TANC2: variants seen among roughly 807,000 people sequenced by gnomAD.
TANC2 encodes the protein tetratricopeptide repeat, ankyrin repeat and coiled-coil containing 2.
TANC2 carries 26 observed loss-of-function variants against 210.5 expected under a neutral mutation model. The ratio of observed to expected loss-of-function variants is 0.12; its 90% confidence interval spans 0.09 to 0.17. TANC2 has a LOEUF of 0.17. Ranked by LOEUF, TANC2 falls within the 10% of genes least tolerant of loss-of-function variation. The pLI is 1.00. For missense variants in TANC2, 2,129 were observed against 2,608.9 expected, an observed-to-expected ratio of 0.82 and a Z score of 4.01; for synonymous variants, 931 against 967.1, an observed-to-expected ratio of 0.96 and a Z score of 0.69.
chr17:63,142,392 G>T (rs1325123566), intron 4 of TANC2, among the ~76,000 whole-genome samples: 1 of 152,122 alleles, frequency 6.6e-6, no homozygotes, highest in Non-Finnish European at 1.5e-5. Context: ...GCTTAAAGTT[G>T]TTATTAATAT....
At chr17:63,185,487 T>C (rs1203906607) in intron 5 of TANC2, among the ~76,000 whole-genome samples, 2 of 152,216 alleles carry the variant, frequency 1.3e-5, no homozygotes, top group African/African-American at 2.4e-5. Context: ...TTTCCTTTTT[T>C]TTATACAACT....
chr17:63,366,280 T>G (rs2047107913), intron 14 of TANC2, among the ~76,000 whole-genome samples: 1 of 152,218 alleles, frequency 6.6e-6, no homozygotes, highest in African/African-American at 2.4e-5. Context: ...AGGCTCTGTC[T>G]TAAGCACTGC....
intron 4 of TANC2, among the ~76,000 whole-genome samples, chr17:63,136,915 G>A (rs952739210): frequency 2.6e-5 from 4 of 152,082 alleles, no homozygotes; most frequent in African/African-American, 9.7e-5. Flanking sequence ...GCAACCAGAA[G>A]TTACAGAGTA....
At chr17:63,223,375 T>C (rs1260488965) in intron 7 of TANC2, among the ~76,000 whole-genome samples, 3 of 152,054 alleles carry the variant, frequency 2.0e-5, no homozygotes, top group Non-Finnish European at 2.9e-5. Context: ...GGTTGCTCCA[T>C]AGAGAGAGCA....
At chr17:62,991,337 G>A (rs1441054653) in intron 1 of TANC2, among the ~76,000 whole-genome samples, 1 of 151,600 alleles carries the variant, frequency 6.6e-6, no homozygotes, top group East Asian at 1.9e-4. Context: ...TGGATCAAAA[G>A]TATTAAAACT....
At chr17:62,971,835 C>T (rs960073554) in intron 1 of TANC2, among the ~76,000 whole-genome samples, 13 of 152,290 alleles carry the variant, frequency 8.5e-5, no homozygotes, top group South Asian at 4.2e-4. Flanking sequence ...CCGGGTTGTC[C>T]GTCCTTATGA....
chr17:63,082,689 A>C (rs1289883044), intron 3 of TANC2, among the ~76,000 whole-genome samples: 2 of 152,130 alleles, frequency 1.3e-5, no homozygotes, highest in African/African-American at 4.8e-5. Context: ...GTGATCATTC[A>C]GCTGTGGCCT....
chr17:63,122,186 C>T (rs545328400), intron 4 of TANC2, among the ~76,000 whole-genome samples: 1 of 152,154 alleles, frequency 6.6e-6, no homozygotes, highest in East Asian at 1.9e-4. Context: ...GATAGAGAAA[C>T]GGTTTAGCAT....
At chr17:63,064,467 A>G (rs143767798) in intron 2 of TANC2, among the ~76,000 whole-genome samples, 217 of 152,276 alleles carry the variant, frequency 1.4e-3, no homozygotes, top group African/African-American at 5.0e-3. Flanking sequence ...TGAAAAACAA[A>G]CAAACATACA....
chr17:63,245,702 C>A (rs901698205), intron 8 of TANC2, among the ~76,000 whole-genome samples: 6 of 151,888 alleles, frequency 4.0e-5, no homozygotes, highest in African/African-American at 1.5e-4. Flanking sequence ...CTTAGCTGGG[C>A]GTGGTGGCAG....
At chr17:63,323,691 T>G (rs2045563867) in intron 11 of TANC2, among the ~76,000 whole-genome samples, 1 of 152,238 alleles carries the variant, frequency 6.6e-6, no homozygotes, top group Non-Finnish European at 1.5e-5. Context: ...TTCTTCATTT[T>G]TACCTTAACC....
intron 2 of TANC2, among the ~76,000 whole-genome samples, chr17:63,053,229 A>G (rs1389980106): frequency 1.3e-5 from 2 of 152,218 alleles, no homozygotes; most frequent in Non-Finnish European, 2.9e-5. Flanking sequence ...GTCTTTGTCC[A>G]TGTCTAGTGA....
intron 5 of TANC2, among the ~76,000 whole-genome samples, chr17:63,170,101 GC>G (rs1231772418): frequency 6.8e-6 from 1 of 146,208 alleles, no homozygotes; most frequent in African/African-American, 2.5e-5. Context: ...CTGCACTCCA[GC>G]CTGGGTGATA....
chr17:63,044,900 G>A (rs1308030270), intron 2 of TANC2, among the ~76,000 whole-genome samples: 1 of 151,802 alleles, frequency 6.6e-6, no homozygotes, highest in African/African-American at 2.4e-5. Flanking sequence ...TATCCTTTAT[G>A]CATTTTTCTG....
At chr17:63,130,091 T>G (rs772386783) in intron 4 of TANC2, among the ~76,000 whole-genome samples, 1 of 152,236 alleles carries the variant, frequency 6.6e-6, no homozygotes, top group Non-Finnish European at 1.5e-5. Context: ...AATCTTCTTA[T>G]AGATGTATAG....
chr17:63,187,551 T>TTTATA (rs1555600758), intron 5 of TANC2, among the ~76,000 whole-genome samples: 2 of 150,998 alleles, frequency 1.3e-5, no homozygotes, highest in African/African-American at 4.9e-5. Context: ...ATTATGTTTT[T>TTTATA]TATATATATA....
At chr17:63,372,893 CT>C (rs753800050) in intron 14 of TANC2, among the ~76,000 whole-genome samples, 28 of 115,936 alleles carry the variant, frequency 2.4e-4, no homozygotes, top group Non-Finnish European at 2.2e-4. Flanking sequence ...TGATTACCAT[CT>C]TTTTTTTTTT....
intron 7 of TANC2, among the ~76,000 whole-genome samples, chr17:63,225,371 G>C (rs1027895889): frequency 2.0e-5 from 3 of 151,984 alleles, no homozygotes; most frequent in South Asian, 2.1e-4. Context: ...GTGTTTCAAC[G>C]GGTGTCATTT....
rs191908287 is a variant in TANC2, at chr17:63,291,612, A to G, written c.1160-22776A>G. Among the ~76,000 whole-genome samples, 975 of 152,328 alleles carry G rather than the reference A, an allele frequency of 6.4e-3. 15 individuals are homozygous for G. Among genetic ancestry groups the G allele is most frequent in the Non-Finnish European group, 9.9e-3 (671 of 68,018 alleles). ...TATTTGGTGGCTTTATACAAAAGAA[A>G]TGTGAGAGATGCAAGATTATCCATT... On this transcript the variant is annotated intron_variant, in intron 9 of 27. Transcript: ENST00000689528.
Sources: allele counts gnomAD v4.1 joint callset (sites outside exome capture counted in the v4.1 genomes callset), GRCh38; gene constraint gnomAD v4.1.1; transcripts MANE v1.5; gene names NCBI Gene and HGNC (gene_info 2026-07-23, HGNC 2026-07-21).